The following KANK1 variants were observed in gnomAD, a reference collection of about 807,000 sequenced individuals.
The protein encoded by KANK1 is KN motif and ankyrin repeat domain-containing protein 1.
Under a neutral mutation model 106.2 loss-of-function variants are expected in KANK1, and 109 were observed. That is an observed-to-expected ratio of 1.03 (90% CI 0.88 to 1.20). The LOEUF (loss-of-function observed/expected upper bound fraction) is 1.20. KANK1 is among the 50% of genes most tolerant of loss of function. KANK1 has a pLI of 0.00. For synonymous variants in KANK1, 873 were observed against 652.2 expected (o/e 1.34, Z -5.16); for missense variants, 2,399 against 1,710.7 (o/e 1.40, Z -7.10).
At chr9:560,888 G>C (rs1238711938) in intron 1 of KANK1, among the ~76,000 whole-genome samples, 1 of 152,188 alleles carries the variant, frequency 6.6e-6, no homozygotes, top group Non-Finnish European at 1.5e-5. Flanking sequence ...CATGTTTATA[G>C]AATGGGAGAC....
At position 742,241 on chromosome 9, in the gene KANK1, G is replaced by A. The variant is rs776210843; in HGVS notation, c.3733G>A (p.Gly1245Arg). Reference sequence around the variant, plus strand: ...GGCCCTCATGCTGGCGGTCAGTCACGGACGGATAGACATGGTGAAGGGCCT... The same window carrying A: ...GGCCCTCATGCTGGCGGTCAGTCACAGACGGATAGACATGGTGAAGGGCCT... ...QTALMLAVSH[G>R]RIDMVKGLLA... Residue 1245 changes from glycine (G) to arginine (R), a missense_variant, in exon 10 of 12, where the codon GGA becomes AGA. By Grantham distance (125) the Gly-to-Arg change is moderately radical. Transcript: ENST00000382297. 84 of 1,614,074 alleles carry A rather than the reference G, an allele frequency of 5.2e-5. No homozygotes were observed. The highest frequency in any genetic ancestry group is 1.6e-4 in the Middle Eastern group (1 of 6,082).
intron 3 of KANK1, among the ~76,000 whole-genome samples, chr9:720,411 C>T (rs1423227010): frequency 6.6e-6 from 1 of 152,032 alleles, no homozygotes; most frequent in African/African-American, 2.4e-5. Flanking sequence ...GTGGTGCAAT[C>T]ATAGCTCACC....
In KANK1 at chr9:623,922, T is replaced by C. The variant is rs564868028; in HGVS notation, c.-83-52968T>C. Among the ~76,000 whole-genome samples, 3 of 152,274 alleles carry C rather than the reference T, an allele frequency of 2.0e-5. No homozygotes were observed. In the South Asian group the frequency reaches 6.2e-4, roughly 32 times the overall value. On this transcript the variant is annotated intron_variant, in intron 1 of 11. Transcript: ENST00000382297. The stretch of plus-strand genomic sequence containing the variant: ...AAATTAGTATGTCAAAGAGATATCT[T>C]CACTTCCATATTTATTTCAGCATTA...
intron 1 of KANK1, among the ~76,000 whole-genome samples, chr9:591,748 T>A (rs1824940466): frequency 6.6e-6 from 1 of 151,788 alleles, no homozygotes; most frequent in Non-Finnish European, 1.5e-5. Context: ...AACCTCTGCC[T>A]CCTGGGTTCA....
chr9:537,275 G>A (rs751902090), intron 1 of KANK1, among the ~76,000 whole-genome samples: 2 of 152,134 alleles, frequency 1.3e-5, no homozygotes, highest in Non-Finnish European at 2.9e-5. Flanking sequence ...ACTGAGCAGG[G>A]TTCCCTTGGG....
chr9:533,505 G>C (rs962820618), intron 1 of KANK1, among the ~76,000 whole-genome samples: 15 of 152,168 alleles, frequency 9.9e-5, no homozygotes, highest in African/African-American at 3.6e-4. Flanking sequence ...ATAGAAAATG[G>C]AAAATTGTTT....
chr9:504,622 C>T (rs910476029), upstream of KANK1: 13 of 149,270 alleles, frequency 8.7e-5, no homozygotes, highest in African/African-American at 3.1e-4. Context: ...CGGCGGCGGC[C>T]GTGCGGTTCG....
intron 1 of KANK1, among the ~76,000 whole-genome samples, chr9:622,973 A>T (rs1415740284): frequency 6.6e-6 from 1 of 152,158 alleles, no homozygotes; most frequent in Non-Finnish European, 1.5e-5. Context: ...ACACAGGGGA[A>T]AAAAGCTTCT....
At chr9:558,985 T>TA (rs1434559169) in intron 1 of KANK1, 1 of 152,218 alleles carries the variant, frequency 6.6e-6, no homozygotes, top group Non-Finnish European at 1.5e-5. Flanking sequence ...CCATGAGCAT[T>TA]AGTCTTGGGG....
At chr9:744,968 T>C in intron 11 of KANK1, 1 of 1,470,142 alleles carries the variant, frequency 6.8e-7, no homozygotes, top group East Asian at 2.4e-5. Context: ...GGAAGGTGAC[T>C]TCCCAGGACA....
intron 1 of KANK1, among the ~76,000 whole-genome samples, chr9:528,005 C>T (rs2059876017): frequency 6.6e-6 from 1 of 151,818 alleles, no homozygotes. Flanking sequence ...GTGGCGGGCG[C>T]CTGTATAGTC....
chr9:743,314 C>G (rs946231611), intron 10 of KANK1, among the ~76,000 whole-genome samples: 1 of 152,166 alleles, frequency 6.6e-6, no homozygotes, highest in South Asian at 2.1e-4. Flanking sequence ...GTATGAGGGA[C>G]TGACTAGCTT....
chr9:574,004 C>T (rs1819888750), intron 1 of KANK1, among the ~76,000 whole-genome samples: 1 of 152,244 alleles, frequency 6.6e-6, no homozygotes, highest in Admixed American at 6.5e-5. Context: ...CTGTGCCCAT[C>T]CGCCGCAGCT....
At position 742,408 on chromosome 9, in the gene KANK1, A is replaced by G; in HGVS notation, c.3897+3A>G. Reference sequence around the variant, plus strand: ...GCAACGGTCACCTAGAGGACAACGTAAGCTGTCTCCATTGGGCCTCCTGGC... The same window carrying G: ...GCAACGGTCACCTAGAGGACAACGTGAGCTGTCTCCATTGGGCCTCCTGGC... On this transcript the variant is annotated splice_donor_region_variant and intron_variant, in intron 10 of 11. Coordinates refer to ENST00000382297, the MANE Select transcript of KANK1 (RefSeq NM_015158.5). 3 of 1,609,086 alleles carry G rather than the reference A, an allele frequency of 1.9e-6. No individual in the cohort carries two copies. Among genetic ancestry groups the G allele is most frequent in the Non-Finnish European group, 2.5e-6 (3 of 1,176,988 alleles).
At chr9:580,660 T>C (rs1293298333) in intron 1 of KANK1, among the ~76,000 whole-genome samples, 4 of 152,124 alleles carry the variant, frequency 2.6e-5, no homozygotes, top group African/African-American at 9.7e-5. Flanking sequence ...TAGCTAGACA[T>C]AAAGGTTCTC....
intron 1 of KANK1, among the ~76,000 whole-genome samples, chr9:667,229 A>G (rs374103028): frequency 4.6e-5 from 7 of 151,492 alleles, no homozygotes; most frequent in African/African-American, 1.5e-4. Context: ...TTTGTTGGCA[A>G]TTGTCTCTAA....
chr9:713,545 T>C lies in KANK1; in HGVS notation c.2698+81T>C, dbSNP rs995604779. ...CAGAAGCTAAGGATTATTTTTTAAC[T>C]GCTGGAACCATTTTTGGAGGAGAAA... On this transcript the variant is annotated intron_variant, in intron 3 of 11. Transcript: ENST00000382297. The C allele has an allele frequency of 4.9e-6, 7 of 1,432,376 alleles. No homozygotes were observed. The African/African-American group carries it at 8.6e-5, about 18-fold the overall frequency. The allele number at this position is 1,432,376 out of a possible 1,614,324, so 88.7% of individuals were successfully genotyped here.
chr9:653,858 T>C (rs1563931181), intron 1 of KANK1, among the ~76,000 whole-genome samples: 2 of 152,238 alleles, frequency 1.3e-5, no homozygotes, highest in South Asian at 4.1e-4. Flanking sequence ...TTACAGTTGC[T>C]GTTAGATTGT....
intron 3 of KANK1, among the ~76,000 whole-genome samples, chr9:494,373 T>A (rs563961760): frequency 6.6e-6 from 1 of 152,216 alleles, no homozygotes; most frequent in African/African-American, 2.4e-5. Flanking sequence ...ATTTCATGTA[T>A]ACCAATAGAG....
Sources: gnomAD v4.1 joint callset for allele counts (sites outside exome capture counted in the v4.1 genomes callset) on GRCh38, gnomAD v4.1.1 for gene constraint, MANE v1.5 for transcripts, NCBI Gene and HGNC (gene_info 2026-07-23, HGNC 2026-07-21) for gene names.